The following PRCD variants were observed in gnomAD, a reference collection of about 807,000 sequenced individuals.
PRCD encodes photoreceptor disc component.
A neutral mutation model predicts 10.1 loss-of-function variants in PRCD; 12 were observed. The observed-to-expected ratio is 1.18, with a 90% CI of 0.76 to 1.92. The LOEUF (loss-of-function observed/expected upper bound fraction) is 1.92, where lower values mean the gene tolerates loss of function less well. PRCD is among the 40% of genes most tolerant of loss of function. PRCD has a pLI of 0.00. For missense variants in PRCD, 61 were observed against 72.2 expected (o/e 0.84, Z 0.56); for synonymous variants, 31 against 26.2 (o/e 1.18, Z -0.56).
At position 76,528,605 on chromosome 17, in the gene PRCD, C is replaced by T. The variant is rs201985001; in HGVS notation, n.45+772C>T. On this transcript the variant is annotated intron_variant and non_coding_transcript_variant, in intron 1 of 4. Transcript: ENST00000397633. This position sits in a 1 kb window ranked among gnomAD's most constrained non-coding sequence, Gnocchi z 5.8. ...ACGGCCCCGAAGAGGGCAGTGTGGC[C>T]GGTGGGCTGTGGACGAGATAGGAAG... 1.0e-5 allele frequency: 13 copies of T among 1,279,938 alleles called. No homozygotes were observed. Among genetic ancestry groups the T allele is most frequent in the South Asian group, 6.8e-5 (2 of 29,620 alleles). The allele number at this position is 1,279,938 out of a possible 1,614,324, so 79.3% of individuals were successfully genotyped here. A position where few individuals can be genotyped will look rare whatever the true frequency, so the allele number is the denominator to read the frequency against.
rs2074983835 is a variant in PRCD, at chr17:76,540,855, CAG to C, written c.143+283_143+284del. Among the ~76,000 whole-genome samples the C allele has an allele frequency of 6.6e-6, 1 of 152,354 alleles. No individual in the cohort carries two copies. Among genetic ancestry groups the C allele is most frequent in the Non-Finnish European group, 1.5e-5 (1 of 68,034 alleles). ...CCGGGGCACCTTCTGTCAGAAGGCA[CAG>C]GGGAGTGGAAGGAGGGATGAGGCAG... On this transcript the variant is annotated intron_variant, in intron 2 of 4. Coordinates refer to ENST00000592014, the MANE Select transcript of PRCD (RefSeq NM_001077620.3). The surrounding 1 kb of genome is among the most constrained non-coding windows in gnomAD (Gnocchi z 5.0).
chr17:76,537,449 C>T, upstream of PRCD: 1 of 1,598,638 alleles, frequency 6.3e-7, no homozygotes, highest in Non-Finnish European at 8.5e-7. Context: ...TAGAGCCGGG[C>T]CCACATAGCC....
intron 3 of PRCD, 35 bp downstream of exon 3, chr17:76,542,668 G>A (rs762422420): frequency 7.1e-7 from 1 of 1,401,398 alleles, no homozygotes; most frequent in Non-Finnish European, 1.0e-6. Flanking sequence ...AGGGCAGAGG[G>A]CAAGGCTTGG....
chr17:76,544,469 G>A lies in PRCD; in HGVS notation c.*819G>A. 1 of 455,570 alleles carries A rather than the reference G, an allele frequency of 2.2e-6. No individual in the cohort carries two copies. The highest frequency in any genetic ancestry group is 4.4e-6 in the Non-Finnish European group (1 of 226,994). The allele number at this position is 455,570 out of a possible 1,614,324, so 28.2% of individuals were successfully genotyped here. ...GGAGGGCCTGCTGGTACCTCGGGGA[G>A]CCTGGCTGGGGTGTGTGCGAAGGCA... On this transcript the variant is annotated 3_prime_UTR_variant, in exon 5 of 5. Transcript: ENST00000592014.
At chr17:76,552,874 AAAAAAAAATATATATATATATAT>A (rs1383114845) in intron 1 of PRCD, 1 of 125,958 alleles carries the variant, frequency 7.9e-6, no homozygotes, top group Non-Finnish European at 1.6e-5. Flanking sequence ...CAAAAAAAAA[AAAAAAAAATATATATATATATAT>A]AAAAATATAT....
intron 1 of PRCD, chr17:76,529,516 G>C: frequency 1.2e-5 from 12 of 985,454 alleles, no homozygotes; most frequent in Non-Finnish European, 1.4e-5. Flanking sequence ...ACTGGGGCTC[G>C]CGCCCAGCCA....
chr17:76,529,119 G>A, intron 1 of PRCD: 5 of 975,770 alleles, frequency 5.1e-6, no homozygotes, highest in Non-Finnish European at 4.8e-6. Context: ...GTGGCGCCTG[G>A]CCCACCCCTG....
In PRCD at chr17:76,533,727, G is replaced by A. The variant is rs182374773; in HGVS notation, n.45+5894G>A. On this transcript the variant is annotated intron_variant and non_coding_transcript_variant, in intron 1 of 4. Coordinates refer to the PRCD transcript ENST00000397633. The surrounding 1 kb of genome is among the most constrained non-coding windows in gnomAD (Gnocchi z 4.5). ...GACAGAGTGAGACCCTGAATCCAAAGAAATAATGATAATAATAATAATAAA... is the reference window on the plus strand; with the variant it reads ...GACAGAGTGAGACCCTGAATCCAAAAAAATAATGATAATAATAATAATAAA... Among the ~76,000 whole-genome samples the A allele has an allele frequency of 2.2e-3, 339 of 151,130 alleles. No individual in the cohort carries two copies. Among genetic ancestry groups the A allele is most frequent in the African/African-American group, 7.6e-3 (313 of 41,118 alleles).
At chr17:76,537,494 C>A, upstream of PRCD, 1 of 1,583,470 alleles carries the variant, frequency 6.3e-7, no homozygotes, top group Non-Finnish European at 8.6e-7. Context: ...GACAGCTCCT[C>A]GCTCCGCTCC....
intron 1 of PRCD, chr17:76,532,173 C>T (rs1317530706): frequency 1.3e-5 from 2 of 159,840 alleles, no homozygotes; most frequent in Non-Finnish European, 2.8e-5. Flanking sequence ...CAAAGTGAAA[C>T]TCCTTAACCG....
chr17:76,538,176 C>G (rs1384778883), upstream of PRCD: 2 of 157,188 alleles, frequency 1.3e-5, no homozygotes, highest in African/African-American at 4.8e-5. Flanking sequence ...ACCGCCAGCC[C>G]GCCCGTGGGG....
At chr17:76,539,796 G>A (rs1258619572), upstream of PRCD, among the ~76,000 whole-genome samples, 3 of 152,152 alleles carry the variant, frequency 2.0e-5, no homozygotes, top group Non-Finnish European at 4.4e-5. Context: ...TAACTCCTGG[G>A]TCACTCTACT....
upstream of PRCD, among the ~76,000 whole-genome samples, chr17:76,536,005 C>A (rs2143113645): frequency 6.6e-6 from 1 of 152,306 alleles, no homozygotes; most frequent in East Asian, 1.9e-4. Context: ...AGGACGCAGT[C>A]TGGCACATCT....
chr17:76,545,752 G>A (rs1295817579), downstream of PRCD: 3 of 234,888 alleles, frequency 1.3e-5, no homozygotes, highest in Non-Finnish European at 2.6e-5. Flanking sequence ...AAGATGCTTA[G>A]CATGTTGGGT....
chr17:76,534,146 T>TCTCTCTCTCTCTCTC (rs2074885915), intron 1 of PRCD, among the ~76,000 whole-genome samples: 5 of 128,894 alleles, frequency 3.9e-5, no homozygotes, highest in Non-Finnish European at 3.3e-5. Flanking sequence ...CTCTTTCTCT[T>TCTCTCTCTCTCTCTC]TCTCTCTCTC....
intron 1 of PRCD, chr17:76,552,688 A>ACT (rs2075118701): frequency 6.7e-6 from 1 of 150,324 alleles, no homozygotes; most frequent in South Asian, 2.1e-4. Flanking sequence ...GAATGGTGAA[A>ACT]CTCTGTCTCT....
downstream of PRCD, chr17:76,545,964 G>GC (rs1462702066): frequency 2.5e-5 from 4 of 157,764 alleles, no homozygotes; most frequent in African/African-American, 7.2e-5. Flanking sequence ...GGGTGGGGAA[G>GC]CCCCCTGTAA....
chr17:76,533,553 G>A lies in PRCD; in HGVS notation n.45+5720G>A, dbSNP rs1483175548. On this transcript the variant is annotated intron_variant and non_coding_transcript_variant, in intron 1 of 4. Transcript: ENST00000397633. This position sits in a 1 kb window ranked among gnomAD's most constrained non-coding sequence, Gnocchi z 4.5. Reference sequence around the variant, plus strand: ...CAGCCTGGGCAATGTGGCAAACCCTGTCTCTACAAAATACAAAAAATTAGC... The same window carrying A: ...CAGCCTGGGCAATGTGGCAAACCCTATCTCTACAAAATACAAAAAATTAGC... 6.6e-6 allele frequency among the ~76,000 whole-genome samples: 1 copy of A among 150,804 alleles called. No homozygotes were observed. The highest frequency in any genetic ancestry group is 1.5e-5 in the Non-Finnish European group (1 of 67,712).
In PRCD at chr17:76,528,519, C is replaced by A; in HGVS notation, n.45+686C>A. ...CCAGAAATGGAGCGTCAAGGAGGGTCTTCAGAACTCGGCCTTCTGCTCGAG... is the reference window on the plus strand; with the variant it reads ...CCAGAAATGGAGCGTCAAGGAGGGTATTCAGAACTCGGCCTTCTGCTCGAG... On this transcript the variant is annotated intron_variant and non_coding_transcript_variant, in intron 1 of 4. Coordinates refer to the PRCD transcript ENST00000397633. The surrounding 1 kb of genome is among the most constrained non-coding windows in gnomAD (Gnocchi z 5.8). The A allele has an allele frequency of 7.2e-6, 9 of 1,258,342 alleles. No individual in the cohort carries two copies. Among genetic ancestry groups the A allele is most frequent in the Non-Finnish European group, 9.2e-6 (9 of 982,356 alleles). 77.9% of individuals were successfully genotyped at this position (1,258,342 alleles called of 1,614,324 possible).
Sources: allele counts gnomAD v4.1 joint callset (sites outside exome capture counted in the v4.1 genomes callset), GRCh38; gene constraint gnomAD v4.1.1; non-coding constraint Gnocchi (gnomAD v3.1); transcripts MANE v1.5; gene names NCBI Gene and HGNC (gene_info 2026-07-23, HGNC 2026-07-21).